The following CIITA variants were observed in gnomAD, a reference collection of about 807,000 sequenced individuals.
The protein encoded by CIITA is MHC class II transactivator.
In CIITA, 72 loss-of-function variants were observed where a neutral mutation model predicts 115.1. The ratio of observed to expected loss-of-function variants is 0.63; its 90% CI spans 0.52 to 0.76. The LOEUF (loss-of-function observed/expected upper bound fraction) is 0.76, where lower values mean the gene tolerates loss of function less well. Among genes scored for constraint, CIITA ranks in the 30% least tolerant of loss-of-function variants. CIITA has a pLI of 0.00. For missense variants in CIITA, 1,617 were observed against 1,463.8 expected (o/e 1.10, Z -1.71); for synonymous variants, 763 against 635.6 (o/e 1.20, Z -3.02).
intron 1 of CIITA, among the ~76,000 whole-genome samples, chr16:10,870,821 T>A (rs562339736): frequency 2.2e-4 from 34 of 152,296 alleles, no homozygotes; most frequent in Admixed American, 3.9e-4. Flanking sequence ...GGTCGCACTG[T>A]ATAAATATCA....
intron 15 of CIITA, chr16:10,916,677 T>G: frequency 1.7e-6 from 1 of 579,912 alleles, no homozygotes; most frequent in Non-Finnish European, 3.1e-6. Context: ...AGGTGTGACT[T>G]ACCATGCCCA....
upstream of CIITA, among the ~76,000 whole-genome samples, chr16:10,874,589 G>A (rs1019517835): frequency 5.9e-5 from 9 of 152,196 alleles, no homozygotes; most frequent in Admixed American, 3.9e-4. Flanking sequence ...ACAGTTTGAC[G>A]GATGTCACTT....
chr16:10,902,475 C>G (rs6498125), intron 7 of CIITA, among the ~76,000 whole-genome samples, 183 bp from the exon 8 acceptor site: 77,925 of 152,114 alleles, frequency 0.51, 21,013 homozygotes, highest in South Asian at 0.63. Context: ...CATGGAGCCC[C>G]TTCTCTGTGC....
At chr16:10,900,218 G>C (rs907358482) in intron 5 of CIITA, among the ~76,000 whole-genome samples, 1 of 152,138 alleles carries the variant, frequency 6.6e-6, no homozygotes, top group African/African-American at 2.4e-5. Context: ...AATAAAGCGA[G>C]CTCCTGTATT....
Position 10,941,517 on chromosome 16 carries a change from T to C in CIITA, n.643T>C. 7.2e-7 allele frequency: 1 copy of C among 1,392,108 alleles called. No individual in the cohort carries two copies. 86.2% of individuals were successfully genotyped at this position (1,392,108 alleles called of 1,614,324 possible). On this transcript the variant is annotated non_coding_transcript_exon_variant, in exon 2 of 2. Coordinates refer to the CIITA transcript ENST00000573379. The surrounding 1 kb of genome is among the most constrained non-coding windows in gnomAD (Gnocchi z 6.4). ...TATCCGGCCTGGGAATTCCTCCCTCTCCCTTGCTAGCGCCCCAACCCGCCC... is the reference window on the plus strand; with the variant it reads ...TATCCGGCCTGGGAATTCCTCCCTCCCCCTTGCTAGCGCCCCAACCCGCCC...
intron 1 of CIITA, among the ~76,000 whole-genome samples, chr16:10,884,934 C>T (rs971467304): frequency 6.6e-6 from 1 of 152,200 alleles, no homozygotes; most frequent in Non-Finnish European, 1.5e-5. Context: ...AATCCTGCCT[C>T]TCCCTGCCCC....
chr16:10,904,862 T>C (rs373838685), intron 10 of CIITA, 50 bp downstream of exon 10: 52 of 1,586,890 alleles, frequency 3.3e-5, no homozygotes, highest in Non-Finnish European at 4.3e-5. Context: ...TGGAAGCCCA[T>C]ATCTGGCTTC....
chr16:10,908,833 G>T, intron 11 of CIITA, 196 bp from the exon 12 acceptor site: 1 of 754,984 alleles, frequency 1.3e-6, no homozygotes, highest in Non-Finnish European at 2.2e-6. Context: ...AAAAGGGAAA[G>T]AAAACCACTG....
At chr16:10,878,651 G>C (rs1357228036) in intron 1 of CIITA, among the ~76,000 whole-genome samples, 1 of 152,216 alleles carries the variant, frequency 6.6e-6, no homozygotes, top group Non-Finnish European at 1.5e-5. Context: ...GACCCACCCA[G>C]GGGTGGGGAC....
chr16:10,875,554 A>T (rs1202475129), upstream of CIITA, among the ~76,000 whole-genome samples: 1 of 152,120 alleles, frequency 6.6e-6, no homozygotes, highest in Non-Finnish European at 1.5e-5. Context: ...CACACAAGTC[A>T]TGTTTCCAAA....
chr16:10,901,774 T>A lies in CIITA; in HGVS notation c.481+216T>A. 1.5e-6 allele frequency: 1 copy of A among 667,258 alleles called. No individual in the cohort carries two copies. The highest frequency in any genetic ancestry group is 2.6e-6 in the Non-Finnish European group (1 of 388,490). The allele number at this position is 667,258 out of a possible 1,614,324, so 41.3% of individuals were successfully genotyped here. On this transcript the variant is annotated intron_variant, in intron 6 of 19. Transcript: ENST00000324288. The surrounding 1 kb of genome is among the most constrained non-coding windows in gnomAD (Gnocchi z 6.8). ...GTAGGGGCTTGGAGCTAACAGATTG[T>A]TCATAGGTTCTATTCTGCCCCAGCT...
Position 10,911,757 on chromosome 16 carries a change from C to G in CIITA, c.2888+1498C>G, listed in dbSNP as rs1164779991. On this transcript the variant is annotated intron_variant, in intron 13 of 19. Transcript: ENST00000324288. Reference sequence around the variant, plus strand: ...GTAGAGACAGGATTTCACCATGTTGCCCAGTCTGGTCTCGAGCTCCTGGGC... The same window carrying G: ...GTAGAGACAGGATTTCACCATGTTGGCCAGTCTGGTCTCGAGCTCCTGGGC... 2.6e-5 allele frequency among the ~76,000 whole-genome samples: 4 copies of G among 151,800 alleles called. No homozygotes were observed. In the South Asian group the frequency reaches 6.3e-4, roughly 24 times the overall value.
Position 10,932,305 on chromosome 16 carries a change from T to C in CIITA, c.*8450T>C, listed in dbSNP as rs532219357. On this transcript the variant is annotated 3_prime_UTR_variant, in exon 20 of 20. Transcript: ENST00000324288. ...CACTTGTGTTATGAAGCATTTACTT[T>C]GTGTTCACCTTGTACTACTCGAACT... The C allele has an allele frequency of 3.9e-4, 60 of 152,364 alleles. No homozygotes were observed. Among genetic ancestry groups the C allele is most frequent in the African/African-American group, 1.4e-3 (59 of 41,580 alleles). 9.4% of individuals were successfully genotyped at this position (152,364 alleles called of 1,614,324 possible).
chr16:10,867,663 G>T (rs1441465373), intron 1 of CIITA, among the ~76,000 whole-genome samples: 1 of 152,180 alleles, frequency 6.6e-6, no homozygotes, highest in Non-Finnish European at 1.5e-5. Context: ...AGACAAGCCT[G>T]CACTGTCCTC....
Position 10,906,717 on chromosome 16 carries a change from C to A in CIITA, c.1225C>A (p.Arg409=), listed in dbSNP as rs137895901. The A allele has an allele frequency of 1.2e-6, 2 of 1,611,478 alleles. No homozygotes were observed. Among genetic ancestry groups the A allele is most frequent in the Admixed American group, 1.7e-5 (1 of 60,014 alleles). Residue 409 remains arginine, a synonymous_variant, in exon 11 of 20, where the codon CGG becomes AGG. Coordinates refer to ENST00000324288, the MANE Select transcript of CIITA (RefSeq NM_000246.4). ...GCTGTTGGCTGCCAAGGAGCACCGG[C>A]GGCCGCGTGAGACACGAGTGATTGC... The part of the protein sequence containing the change: ...EVLLAAKEHR[R]PRETRVIAVL...
upstream of CIITA, among the ~76,000 whole-genome samples, chr16:10,873,681 T>C (rs190205542): frequency 6.6e-6 from 1 of 152,280 alleles, no homozygotes; most frequent in African/African-American, 2.4e-5. Context: ...ACAACTGTTC[T>C]TTACTTGGAA....
chr16:10,892,259 G>A (rs533788338), intron 1 of CIITA, among the ~76,000 whole-genome samples: 2 of 152,090 alleles, frequency 1.3e-5, no homozygotes, highest in Non-Finnish European at 2.9e-5. Flanking sequence ...GGGAGGCAGA[G>A]GTTGCAGTGA....
chr16:10,877,769 C>G (rs1262965494), intron 1 of CIITA, among the ~76,000 whole-genome samples: 1 of 152,222 alleles, frequency 6.6e-6, no homozygotes, highest in East Asian at 1.9e-4. Flanking sequence ...CCACTCCATA[C>G]CCAGAGAAGC....
chr16:10,895,433 G>T lies in CIITA; in HGVS notation c.199+5G>T. ...AAGAGATTGAGCTCTACTCAGGTGG[G>T]CCCTCCTCCCTCTGGTCTCTTCCGG... On this transcript the variant is annotated splice_donor_5th_base_variant and intron_variant, in intron 2 of 19. Transcript: ENST00000324288. 6.2e-7 allele frequency: 1 copy of T among 1,613,122 alleles called. No individual in the cohort carries two copies.
Sources: gnomAD v4.1 joint callset for allele counts (sites outside exome capture counted in the v4.1 genomes callset) on GRCh38, gnomAD v4.1.1 for gene constraint, Gnocchi (gnomAD v3.1) non-coding constraint, MANE v1.5 for transcripts, NCBI Gene and HGNC (gene_info 2026-07-23, HGNC 2026-07-21) for gene names.